Variants in TCF3 observed in about 807,000 individuals in gnomAD.
TCF3 encodes the protein transcription factor 3, also known as transcription factor E2-alpha.
TCF3 carries 54 observed loss-of-function variants against 72.3 expected under a neutral mutation model. The observed-to-expected ratio is 0.75, with a 90% CI of 0.60 to 0.94. The LOEUF (loss-of-function observed/expected upper bound fraction) is 0.94, where lower values mean the gene tolerates loss of function less well. Ranked by LOEUF, TCF3 falls within the 40% of genes least tolerant of loss-of-function variation. The pLI, the probability that TCF3 is intolerant of heterozygous loss-of-function variation, is 0.00. For synonymous variants in TCF3, 525 were observed against 412.6 expected (o/e 1.27, Z -3.30); for missense variants, 1,078 against 934.4 (o/e 1.15, Z -2.00).
Position 1,620,948 on chromosome 19 carries a change from C to T in TCF3, c.1093+20G>A, listed in dbSNP as rs563865271. The T allele has an allele frequency of 6.8e-7, 1 of 1,471,754 alleles. No homozygotes were observed. Among genetic ancestry groups the T allele is most frequent in the East Asian group, 2.7e-5 (1 of 37,400 alleles). The allele number at this position is 1,471,754 out of a possible 1,614,324, so 91.2% of individuals were successfully genotyped here. On this transcript the variant is annotated intron_variant, in intron 13 of 18. Transcript: ENST00000262965. Reference sequence around the variant, plus strand: ...CCCTCACAGACCTCAGCCTCCCCTCCCCCCAAAACCCTCACAGACCTGCCA... The same window carrying T: ...CCCTCACAGACCTCAGCCTCCCCTCTCCCCAAAACCCTCACAGACCTGCCA...
chr19:1,617,084 T>C (rs2061623937), intron 16 of TCF3, among the ~76,000 whole-genome samples: 1 of 152,218 alleles, frequency 6.6e-6, no homozygotes, highest in South Asian at 2.1e-4. Flanking sequence ...TAGGGTGGCT[T>C]TGCGCTACCC....
chr19:1,650,213 T>A lies in TCF3; in HGVS notation c.36A>T (p.Thr12=). The change falls in exon 2 of 19, where the codon ACA becomes ACT. Residue 12 remains threonine, a synonymous_variant. Transcript: ENST00000262965. The part of the protein sequence containing the change: ...NQPQRMAPVG[T]DKELSDLLDF... ...CCAGGAGGTCACTGAGCTCCTTGTCTGTGCCCACAGGCGCCATCCTCTGCG... is the reference window on the plus strand; with the variant it reads ...CCAGGAGGTCACTGAGCTCCTTGTCAGTGCCCACAGGCGCCATCCTCTGCG... 6.4e-7 allele frequency: 1 copy of A among 1,573,610 alleles called. No homozygotes were observed. The highest frequency in any genetic ancestry group is 8.6e-7 in the Non-Finnish European group (1 of 1,160,970).
chr19:1,648,153 C>T (rs374955159), intron 2 of TCF3, among the ~76,000 whole-genome samples: 228 of 152,312 alleles, frequency 1.5e-3, no homozygotes, highest in South Asian at 2.9e-3. Context: ...CGTTCTCCCT[C>T]GTATTTATTT....
chr19:1,633,872 G>A (rs1453872553), intron 3 of TCF3, among the ~76,000 whole-genome samples: 4 of 152,182 alleles, frequency 2.6e-5, no homozygotes, highest in Non-Finnish European at 4.4e-5. Context: ...GGTGGGCACA[G>A]CGCCGGCACC....
Position 1,650,302 on chromosome 19 carries a change from T to G in TCF3, c.-39-15A>C. ...GCCTGGAAACCCTGCTTGGTGGATG[T>G]GGGGACAGATGGACAGGGAGAAACA... On this transcript the variant is annotated splice_polypyrimidine_tract_variant and intron_variant, in intron 1 of 18. Coordinates refer to ENST00000262965, the MANE Select transcript of TCF3 (RefSeq NM_003200.5). 6.7e-7 allele frequency: 1 copy of G among 1,499,846 alleles called. No individual in the cohort carries two copies. Among genetic ancestry groups the G allele is most frequent in the South Asian group, 1.2e-5 (1 of 83,022 alleles). 92.9% of individuals were successfully genotyped at this position (1,499,846 alleles called of 1,614,324 possible). A position where few individuals can be genotyped will look rare whatever the true frequency, so the allele number is the denominator to read the frequency against.
At chr19:1,640,844 T>C (rs998186854) in intron 3 of TCF3, among the ~76,000 whole-genome samples, 1 of 144,512 alleles carries the variant, frequency 6.9e-6, no homozygotes, top group African/African-American at 2.6e-5. Context: ...GTATTACTGA[T>C]GTTGTTAAAA....
intron 5 of TCF3, among the ~76,000 whole-genome samples, chr19:1,630,859 A>G (rs934323882): frequency 1.3e-5 from 2 of 151,492 alleles, no homozygotes; most frequent in Non-Finnish European, 2.9e-5. Flanking sequence ...AGGACTTGAC[A>G]CTCCCGCAGG....
At chr19:1,651,034 T>C (rs531386301) in intron 1 of TCF3, 78 of 232,038 alleles carry the variant, frequency 3.4e-4, no homozygotes, top group Admixed American at 4.5e-4. Context: ...AGCAAAACTT[T>C]GACAACATCC....
At chr19:1,642,621 G>T (rs544126729) in intron 3 of TCF3, among the ~76,000 whole-genome samples, 121 of 152,310 alleles carry the variant, frequency 7.9e-4, no homozygotes, top group African/African-American at 2.8e-3. Context: ...AGTGGCAGGT[G>T]AAAGGACACG....
chr19:1,612,484 G>C (rs191774492), intron 18 of TCF3: 1 of 1,324,874 alleles, frequency 7.5e-7, no homozygotes, highest in African/African-American at 1.4e-5. Context: ...GGCTGGGTGG[G>C]AGGGCAGGGC....
intron 3 of TCF3, among the ~76,000 whole-genome samples, chr19:1,639,002 A>T (rs2064858024): frequency 6.6e-6 from 1 of 152,218 alleles, no homozygotes; most frequent in South Asian, 2.1e-4. Flanking sequence ...CCACACCAAC[A>T]AAAAGGAAGG....
In TCF3 at chr19:1,614,717, G is replaced by A. The variant is rs187020626; in HGVS notation, c.1822+568C>T. Reference sequence around the variant, plus strand: ...GGGGAAGGAGTCAGCTCACATCTGCGGGTGGGGACAGGGTCTGTCTGTATC... The same window carrying A: ...GGGGAAGGAGTCAGCTCACATCTGCAGGTGGGGACAGGGTCTGTCTGTATC... On this transcript the variant is annotated intron_variant, in intron 18 of 18. Transcript: ENST00000262965. This position sits in a 1 kb window ranked among gnomAD's most constrained non-coding sequence, Gnocchi z 5.6. 1.7e-4 allele frequency among the ~76,000 whole-genome samples: 26 copies of A among 152,230 alleles called. No individual in the cohort carries two copies. Among genetic ancestry groups the A allele is most frequent in the African/African-American group, 3.4e-4 (14 of 41,542 alleles).
At position 1,611,509 on chromosome 19, in the gene TCF3, G is replaced by A; in HGVS notation, c.*198C>T. 1.6e-6 allele frequency: 1 copy of A among 630,570 alleles called. No individual in the cohort carries two copies. Among genetic ancestry groups the A allele is most frequent in the Non-Finnish European group, 2.6e-6 (1 of 391,388 alleles). 39.1% of individuals were successfully genotyped at this position (630,570 alleles called of 1,614,324 possible). On this transcript the variant is annotated 3_prime_UTR_variant, in exon 19 of 19. Coordinates refer to ENST00000262965, the MANE Select transcript of TCF3 (RefSeq NM_003200.5). ...AGCGAGGCCAGTGAGTGGTAGGCCAGGGCCCCAGGGAGCTCCTGGACCCAG... is the reference window on the plus strand; with the variant it reads ...AGCGAGGCCAGTGAGTGGTAGGCCAAGGCCCCAGGGAGCTCCTGGACCCAG...
At position 1,615,357 on chromosome 19, in the gene TCF3, T is replaced by G. The variant is rs759785422; in HGVS notation, c.1750A>C (p.Lys584Gln). Residue 584 changes from lysine (K) to glutamine (Q), a missense_variant, in exon 18 of 19, where the codon AAG (lysine) becomes CAG (glutamine). Transcript: ENST00000262965. The surrounding 1 kb of genome is among the most constrained non-coding windows in gnomAD (Gnocchi z 7.3). ...AGGATGAGCAGTTTGGTCTGGGGCTTCTCGCTGTTGAGGTGCAGTTGGCAC... is the reference window on the plus strand; with the variant it reads ...AGGATGAGCAGTTTGGTCTGGGGCTGCTCGCTGTTGAGGTGCAGTTGGCAC... ...RMCQLHLNSE[K>Q]PQTKLLILHQ... The G allele has an allele frequency of 5.6e-6, 9 of 1,613,764 alleles. No homozygotes were observed. Among genetic ancestry groups the G allele is most frequent in the Non-Finnish European group, 6.8e-6 (8 of 1,179,710 alleles).
At chr19:1,624,813 G>A (rs2062685726) in intron 7 of TCF3, among the ~76,000 whole-genome samples, 2 of 152,170 alleles carry the variant, frequency 1.3e-5, no homozygotes, top group African/African-American at 2.4e-5. Flanking sequence ...TCAGAGCCAC[G>A]ATCTTTTACG....
chr19:1,646,252 G>T, intron 3 of TCF3, 103 bp downstream of exon 3: 1 of 1,262,908 alleles, frequency 7.9e-7, no homozygotes, highest in Non-Finnish European at 1.1e-6. Context: ...TTTCCCCATT[G>T]TCTCCCTCCT....
At chr19:1,625,529 A>G (rs749210375) in intron 7 of TCF3, 47 bp downstream of exon 7, 3 of 1,507,682 alleles carry the variant, frequency 2.0e-6, no homozygotes, top group Non-Finnish European at 2.6e-6. Flanking sequence ...CTCCCTTTGC[A>G]GGCTCCCTCC....
chr19:1,610,245 G>T lies in TCF3; in HGVS notation c.*1462C>A. On this transcript the variant is annotated 3_prime_UTR_variant, in exon 19 of 19. Transcript: ENST00000262965. ...GGACGCACAGCCCAAGGCCTTCGTG[G>T]GGCTCAGACCAGCACAGTCCCCCGG... The T allele has an allele frequency of 4.3e-6, 1 of 232,192 alleles. No homozygotes were observed. The highest frequency in any genetic ancestry group is 8.5e-6 in the Non-Finnish European group (1 of 117,438). The allele number at this position is 232,192 out of a possible 1,614,324, so 14.4% of individuals were successfully genotyped here. A position where few individuals can be genotyped will look rare whatever the true frequency, so the allele number is the denominator to read the frequency against.
intron 1 of TCF3, chr19:1,651,000 C>T (rs2066941067): frequency 8.7e-6 from 2 of 231,082 alleles, no homozygotes; most frequent in Non-Finnish European, 1.7e-5. Context: ...TTTACTGTCG[C>T]GATGTATCCG....
Sources: allele counts gnomAD v4.1 joint callset (sites outside exome capture counted in the v4.1 genomes callset), GRCh38; gene constraint gnomAD v4.1.1; non-coding constraint Gnocchi (gnomAD v3.1); transcripts MANE v1.5; gene names NCBI Gene and HGNC (gene_info 2026-07-23, HGNC 2026-07-21).